Variants in SMAD6 observed in about 807,000 individuals in gnomAD.
SMAD6 encodes the protein MAD homolog 6.
A neutral mutation model predicts 39.4 loss-of-function variants in SMAD6; 103 were observed. The ratio of observed to expected loss-of-function variants is 2.62; its 90% CI spans 2.23 to 3.08. SMAD6 has a LOEUF of 3.08. Ranked by LOEUF, SMAD6 falls within the 30% of genes most tolerant of loss-of-function variation. SMAD6 has a pLI of 0.00. For synonymous variants in SMAD6, 445 were observed against 353.3 expected, an observed-to-expected ratio of 1.26 and a Z score of -2.91; for missense variants, 1,104 against 742.9, an observed-to-expected ratio of 1.49 and a Z score of -5.65.
chr15:66,743,864 T>G (rs1893859512), intron 3 of SMAD6, among the ~76,000 whole-genome samples: 1 of 152,192 alleles, frequency 6.6e-6, no homozygotes, highest in African/African-American at 2.4e-5. Context: ...ACACATAGTC[T>G]GTGATTTTTG....
At chr15:66,779,789 C>T (rs1483630587) in intron 3 of SMAD6, among the ~76,000 whole-genome samples, 2 of 152,232 alleles carry the variant, frequency 1.3e-5, no homozygotes, top group African/African-American at 4.8e-5. Context: ...CCTCCCTCTG[C>T]ACAGGCCCAG....
At chr15:66,761,942 C>A (rs957991252) in intron 3 of SMAD6, among the ~76,000 whole-genome samples, 1 of 152,138 alleles carries the variant, frequency 6.6e-6, no homozygotes, top group African/African-American at 2.4e-5. Flanking sequence ...ATTCCCCAGA[C>A]ACCAGAGTCC....
At chr15:66,752,469 G>A (rs1016697075) in intron 3 of SMAD6, among the ~76,000 whole-genome samples, 1 of 152,154 alleles carries the variant, frequency 6.6e-6, no homozygotes, top group African/African-American at 2.4e-5. Context: ...ACAGTTGAAT[G>A]GAAGCAGACT....
intron 3 of SMAD6, among the ~76,000 whole-genome samples, chr15:66,752,807 A>T (rs1894029838): frequency 7.8e-6 from 1 of 128,546 alleles, no homozygotes; most frequent in Non-Finnish European, 1.6e-5. Context: ...AAAAAATAAT[A>T]ATAAAAAAAT....
At chr15:66,721,566 T>C (rs1893432792) in intron 3 of SMAD6, among the ~76,000 whole-genome samples, 1 of 152,218 alleles carries the variant, frequency 6.6e-6, no homozygotes, top group South Asian at 2.1e-4. Context: ...ATTAGTTGTG[T>C]GACCTTGGGA....
intron 3 of SMAD6, among the ~76,000 whole-genome samples, chr15:66,755,915 G>A (rs917871285): frequency 5.3e-5 from 8 of 152,230 alleles, no homozygotes; most frequent in Middle Eastern, 3.4e-3. Flanking sequence ...GCTGGGTTTG[G>A]CCCCCACCAC....
At chr15:66,780,362 T>G (rs960361057) in intron 3 of SMAD6, among the ~76,000 whole-genome samples, 1 of 152,034 alleles carries the variant, frequency 6.6e-6, no homozygotes, top group Non-Finnish European at 1.5e-5. Flanking sequence ...TGGGGGCAAC[T>G]CCTCCCACCC....
intron 3 of SMAD6, among the ~76,000 whole-genome samples, chr15:66,735,222 G>A (rs1335929267): frequency 6.6e-6 from 1 of 152,236 alleles, no homozygotes; most frequent in African/African-American, 2.4e-5. Context: ...CATAGTCCAG[G>A]GCTGGGTGGG....
At chr15:66,765,967 A>T (rs1894280862) in intron 3 of SMAD6, among the ~76,000 whole-genome samples, 1 of 152,204 alleles carries the variant, frequency 6.6e-6, no homozygotes, top group Admixed American at 6.5e-5. Context: ...TTAATTAATA[A>T]TTGAGAGCTG....
At chr15:66,780,632 C>G (rs1344884350) in intron 3 of SMAD6, among the ~76,000 whole-genome samples, 2 of 152,172 alleles carry the variant, frequency 1.3e-5, no homozygotes, top group Non-Finnish European at 2.9e-5. Flanking sequence ...CACAGTCAGC[C>G]CCTCCTTTGG....
intron 1 of SMAD6, chr15:66,707,068 C>A (rs577256449): frequency 6.6e-6 from 1 of 152,158 alleles, no homozygotes; most frequent in African/African-American, 2.4e-5. Context: ...CCTGGCCTCC[C>A]AGCCCGTGGG....
At chr15:66,719,277 AGACCCTGGC>A (rs1028012058) in intron 3 of SMAD6, among the ~76,000 whole-genome samples, 1 of 152,200 alleles carries the variant, frequency 6.6e-6, no homozygotes, top group African/African-American at 2.4e-5. Context: ...TCCCCAAGCC[AGACCCTGGC>A]AGGAGCAAAG....
chr15:66,756,040 A>C (rs554314605), intron 3 of SMAD6, among the ~76,000 whole-genome samples: 2 of 151,894 alleles, frequency 1.3e-5, no homozygotes, highest in African/African-American at 2.4e-5. Flanking sequence ...TAAAAAAAAA[A>C]AAAACTAATT....
intron 3 of SMAD6, among the ~76,000 whole-genome samples, chr15:66,732,889 C>T (rs1893654394): frequency 6.6e-6 from 1 of 151,970 alleles, no homozygotes; most frequent in African/African-American, 2.4e-5. Flanking sequence ...AATAATTCTG[C>T]CAAACCCAAG....
At chr15:66,763,455 G>A (rs1894237630) in intron 3 of SMAD6, among the ~76,000 whole-genome samples, 1 of 152,208 alleles carries the variant, frequency 6.6e-6, no homozygotes, top group South Asian at 2.1e-4. Context: ...TCCCCGACTT[G>A]GCAGGGCCGT....
At chr15:66,738,324 A>C (rs541542363) in intron 3 of SMAD6, among the ~76,000 whole-genome samples, 1 of 152,188 alleles carries the variant, frequency 6.6e-6, no homozygotes, top group East Asian at 1.9e-4. Context: ...GGAGGTGTGC[A>C]GCGGGTGCAT....
chr15:66,748,481 A>C (rs1365967975), intron 3 of SMAD6, among the ~76,000 whole-genome samples: 1 of 152,212 alleles, frequency 6.6e-6, no homozygotes. Flanking sequence ...CACGCAGCTA[A>C]GGGCATTGGG....
At chr15:66,708,821 A>G (rs1467017846) in intron 1 of SMAD6, 1 of 452,772 alleles carries the variant, frequency 2.2e-6, no homozygotes, top group Admixed American at 2.4e-5. Flanking sequence ...TTTGCGATAA[A>G]AAAAATGTCT....
In SMAD6 at chr15:66,704,130, C is replaced by A. The variant is rs73488312; in HGVS notation, c.817+55C>A. The stretch of plus-strand genomic sequence containing the variant: ...CCGGGTCCCCGTCCCCATCCCCTTC[C>A]GTGCCCTTCTCTCTGTGACACTGCG... On this transcript the variant is annotated intron_variant, in intron 1 of 3. Transcript: ENST00000288840. 4,083 of 1,291,768 alleles carry A rather than the reference C, an allele frequency of 3.2e-3. 104 individuals carry two copies. The African/African-American group carries it at 0.054, about 17-fold the overall frequency. The allele number at this position is 1,291,768 out of a possible 1,614,324, so 80.0% of individuals were successfully genotyped here.
Sources: gnomAD v4.1 joint callset for allele counts (sites outside exome capture counted in the v4.1 genomes callset) on GRCh38, gnomAD v4.1.1 for gene constraint, MANE v1.5 for transcripts, NCBI Gene and HGNC (gene_info 2026-07-23, HGNC 2026-07-21) for gene names.